Variants in MYH2 observed in about 807,000 individuals in gnomAD.
MYH2 encodes the protein myosin-2.
In MYH2, 139 loss-of-function variants were observed where a neutral mutation model predicts 228.1. The observed-to-expected ratio is 0.61, with a 90% CI of 0.53 to 0.70. MYH2 has a LOEUF of 0.70. Ranked by LOEUF, MYH2 falls within the 30% of genes least tolerant of loss-of-function variation. The probability of loss-of-function intolerance (pLI) is 0.00; values close to 1 mark genes in which losing one functional copy is unlikely to be tolerated. For synonymous variants in MYH2, 796 were observed against 871.1 expected (o/e 0.91, Z 1.52); for missense variants, 1,809 against 2,357.5 (o/e 0.77, Z 4.82).
chr17:10,534,641 G>A (rs1202209786), intron 19 of MYH2, among the ~76,000 whole-genome samples: 1 of 152,216 alleles, frequency 6.6e-6, no homozygotes, highest in East Asian at 1.9e-4. Flanking sequence ...TTGAGGCTGG[G>A]CATGGTGGCT....
Position 10,527,573 on chromosome 17 carries a change from C to A in MYH2, c.3871+175G>T, listed in dbSNP as rs79474242. Among the ~76,000 whole-genome samples the A allele has an allele frequency of 2.0e-3, 304 of 152,318 alleles. 2 individuals carry two copies. The highest frequency in any genetic ancestry group is 6.9e-3 in the African/African-American group (288 of 41,566). On this transcript the variant is annotated intron_variant, in intron 28 of 39. Transcript: ENST00000245503. ...GAGCTTGATTTTGTCCTATTGAAAC[C>A]TTTATCTCCAGCATTGTCCCAAGAT... is the stretch of plus-strand genomic sequence containing the variant.
rs2073385861 is a variant in MYH2 at position 10,528,779 on chromosome 17, C to T, written c.3655G>A (p.Val1219Met). 6.2e-7 allele frequency: 1 copy of T among 1,614,052 alleles called. No homozygotes were observed. The highest frequency in any genetic ancestry group is 1.3e-5 in the African/African-American group (1 of 74,940). The change falls in exon 27 of 40, where the codon GTG (valine) becomes ATG (methionine). Residue 1219 changes from valine to methionine, a missense_variant. Coordinates refer to ENST00000245503, the MANE Select transcript of MYH2 (RefSeq NM_017534.6). ...TTCTCCTTCTCCAGCTTCTGCTTCA[C>T]TCGCTGCAGGTTGTCAATCTGCTCC... ...LGEQIDNLQR[V>M]KQKLEKEKSE...
At chr17:10,539,619 T>C (rs983126003) in intron 12 of MYH2, 57 bp from the exon 13 acceptor site, 5 of 1,500,336 alleles carry the variant, frequency 3.3e-6, no homozygotes, top group African/African-American at 1.4e-5. Flanking sequence ...CCCACTTCCT[T>C]AAAAATATTT....
Position 10,542,868 on chromosome 17 carries a change from T to G in MYH2, c.904+7A>C, listed in dbSNP as rs1008323088. Reference sequence around the variant, plus strand: ...TAATTCTGGAAAAGAATTATGACATTTCTTACCAATAAGTTCTGGTTTCTT... The same window carrying G: ...TAATTCTGGAAAAGAATTATGACATGTCTTACCAATAAGTTCTGGTTTCTT... On this transcript the variant is annotated splice_region_variant and intron_variant, in intron 10 of 39. Coordinates refer to ENST00000245503, the MANE Select transcript of MYH2 (RefSeq NM_017534.6). 6.4e-7 allele frequency: 1 copy of G among 1,562,282 alleles called. No homozygotes were observed. The highest frequency in any genetic ancestry group is 1.7e-5 in the Admixed American group (1 of 59,854).
At chr17:10,544,235 C>A (rs902976588) in intron 5 of MYH2, 108 bp from the exon 6 acceptor site, 1 of 1,395,756 alleles carries the variant, frequency 7.2e-7, no homozygotes, top group African/African-American at 1.4e-5. Flanking sequence ...ACTTTGCAAC[C>A]TTTAGGGCTT....
chr17:10,525,382 G>A lies in MYH2; in HGVS notation c.4538-34C>T. The stretch of plus-strand genomic sequence containing the variant: ...TGAGTAAAAGACAGGTAGGGATTTG[G>A]TTAAACATGTGACATAAGGGAGAGA... On this transcript the variant is annotated intron_variant, in intron 32 of 39. Coordinates refer to ENST00000245503, the MANE Select transcript of MYH2 (RefSeq NM_017534.6). This position sits in a 1 kb window ranked among gnomAD's most constrained non-coding sequence, Gnocchi z 4.2. 3 of 1,614,126 alleles carry A rather than the reference G, an allele frequency of 1.9e-6. No individual in the cohort carries two copies. The highest frequency in any genetic ancestry group is 2.2e-5 in the East Asian group (1 of 44,892).
chr17:10,542,787 C>A (rs2073573749), intron 10 of MYH2, 88 bp downstream of exon 10: 1 of 848,180 alleles, frequency 1.2e-6, no homozygotes, highest in South Asian at 2.0e-5. Context: ...ATAAACTTGA[C>A]AAAATTCAGT....
intron 4 of MYH2, among the ~76,000 whole-genome samples, chr17:10,546,115 G>A (rs997785155): frequency 6.6e-6 from 1 of 151,676 alleles, no homozygotes; most frequent in South Asian, 2.1e-4. Flanking sequence ...CCAACAGTAA[G>A]GGAATGGTTA....
Position 10,527,801 on chromosome 17 carries a change from T to C in MYH2, c.3818A>G (p.Gln1273Arg). Residue 1273 changes from glutamine (Q) to arginine (R), a missense_variant, in exon 28 of 40, where the codon CAG (glutamine) becomes CGG (arginine). Physicochemically the swap from Gln to Arg is conservative, Grantham distance 43. Around this residue, in one of 9 missense-constraint regions of MYH2, gnomAD observed 636 missense variants for 729.9 expected, o/e 0.87. Transcript: ENST00000245503. ...SELKSKEEEQ[Q>R]RLINDLTAQR... is the part of the protein sequence containing the mutation. ...CGCAGTCAGGTCATTGATCAGCCGC[T>C]GCTGCTCCTCTTCCTTTGATTTCAG... 3.7e-6 allele frequency: 6 copies of C among 1,614,172 alleles called. No homozygotes were observed. The highest frequency in any genetic ancestry group is 5.1e-6 in the Non-Finnish European group (6 of 1,180,032).
intron 2 of MYH2, 64 bp from the exon 3 acceptor site, chr17:10,548,004 T>C: frequency 7.5e-7 from 1 of 1,337,768 alleles, no homozygotes; most frequent in Non-Finnish European, 1.0e-6. Flanking sequence ...TAAATCTTAA[T>C]ATTTATTGTA....
In MYH2 at chr17:10,539,340, T is replaced by C. The variant is rs2073522313; in HGVS notation, c.1281A>G (p.Val427=). 6.2e-7 allele frequency: 1 copy of C among 1,614,240 alleles called. No individual in the cohort carries two copies. Among genetic ancestry groups the C allele is most frequent in the East Asian group, 2.2e-5 (1 of 44,888 alleles). ...CGTAGACGGCTTTGGCCAGAGCACC[T>C]ACTGCGTTGGACACCTTAAAAGACA... The part of the protein sequence containing the change: ...GQTVEQVSNA[V]GALAKAVYEK... Residue 427 remains valine, a synonymous_variant, in exon 14 of 40, where the codon GTA becomes GTG. Transcript: ENST00000245503.
rs368762166 is a variant in MYH2, at chr17:10,528,813, G to A, written c.3621C>T (p.Ala1207=). Reference sequence around the variant, plus strand: ...GGTTGTCAATCTGCTCCCCAAGCTCGGCCACACTATCTGCATGCTTCTTCC... The same window carrying A: ...GGTTGTCAATCTGCTCCCCAAGCTCAGCCACACTATCTGCATGCTTCTTCC... ...TLRKKHADSV[A]ELGEQIDNLQ... The change falls in exon 27 of 40, where the codon GCC becomes GCT. Residue 1207 remains alanine, a synonymous_variant. Coordinates refer to ENST00000245503, the MANE Select transcript of MYH2 (RefSeq NM_017534.6). 1.2e-5 allele frequency: 20 copies of A among 1,613,980 alleles called. No homozygotes were observed. The highest frequency in any genetic ancestry group is 9.3e-5 in the African/African-American group (7 of 74,886).
intron 10 of MYH2, 84 bp from the exon 11 acceptor site, chr17:10,540,781 A>G (rs1318053158): frequency 8.0e-7 from 1 of 1,245,274 alleles, no homozygotes; most frequent in Admixed American, 1.9e-5. Context: ...GTGAGGCACT[A>G]TATTGTTGTG....
rs764758095 is a variant in MYH2 at position 10,547,705 on chromosome 17, G to T, written c.204+12C>A. 6.2e-7 allele frequency: 1 copy of T among 1,614,178 alleles called. No individual in the cohort carries two copies. The highest frequency in any genetic ancestry group is 1.7e-5 in the Admixed American group (1 of 60,020). On this transcript the variant is annotated intron_variant, in intron 3 of 39. Transcript: ENST00000245503. ...TCAATAAAATGTGGCAAGCTCCTGGGATTCTACTCACCGCTCCTCCCTCAG... is the reference window on the plus strand; with the variant it reads ...TCAATAAAATGTGGCAAGCTCCTGGTATTCTACTCACCGCTCCTCCCTCAG...
Position 10,528,893 on chromosome 17 carries a change from G to T in MYH2, c.3541C>A (p.Arg1181Ser), listed in dbSNP as rs201768483. 6.2e-7 allele frequency: 1 copy of T among 1,614,172 alleles called. No individual in the cohort carries two copies. Residue 1181 changes from arginine to serine, a missense_variant, in exon 27 of 40, where the codon CGC becomes AGC. Coordinates refer to ENST00000245503, the MANE Select transcript of MYH2 (RefSeq NM_017534.6). ...KKREAEFQKM[R>S]RDLEEATLQH... ...AGGGTGGCCTCCTCCAGGTCCCTGC[G>T]CATTTTCTGGAACTCAGCCTCCCGC...
Position 10,528,765 on chromosome 17 carries a change from C to T in MYH2, c.3669G>A (p.Leu1223=). The change falls in exon 27 of 40, where the codon CTG becomes CTA. Residue 1223 remains leucine, a synonymous_variant. Transcript: ENST00000245503. The part of the protein sequence containing the change: ...IDNLQRVKQK[L]EKEKSEMKME... ...TCTTCATCTCACTCTTCTCCTTCTC[C>T]AGCTTCTGCTTCACTCGCTGCAGGT... 6.2e-7 allele frequency: 1 copy of T among 1,614,120 alleles called. No homozygotes were observed. The highest frequency in any genetic ancestry group is 8.5e-7 in the Non-Finnish European group (1 of 1,179,984).
intron 4 of MYH2, 120 bp downstream of exon 4, chr17:10,547,355 G>C: frequency 1.5e-6 from 2 of 1,299,856 alleles, no homozygotes; most frequent in South Asian, 1.2e-5. Flanking sequence ...CTTTTAACTA[G>C]TTATGCTGCA....
intron 14 of MYH2, among the ~76,000 whole-genome samples, chr17:10,538,495 A>T (rs1462890419): frequency 6.6e-6 from 1 of 151,938 alleles, no homozygotes; most frequent in Non-Finnish European, 1.5e-5. Context: ...ATACAAAAAC[A>T]TTAGCCGGGT....
At chr17:10,544,672 G>A (rs900118136) in intron 5 of MYH2, among the ~76,000 whole-genome samples, 8 of 152,206 alleles carry the variant, frequency 5.3e-5, no homozygotes, top group African/African-American at 1.9e-4. Flanking sequence ...TTAGGAAAAG[G>A]TAAAATTTTG....
Sources: gnomAD v4.1 joint callset for allele counts (sites outside exome capture counted in the v4.1 genomes callset) on GRCh38, gnomAD v4.1.1 for gene constraint, gnomAD v4.1.1 regional missense constraint, Gnocchi (gnomAD v3.1) non-coding constraint, MANE v1.5 for transcripts, NCBI Gene and HGNC (gene_info 2026-07-23, HGNC 2026-07-21) for gene names.